The following HDAC9 variants were observed in gnomAD, a reference collection of about 807,000 sequenced individuals.
HDAC9 encodes MEF-2 interacting transcription repressor (MITR) protein.
HDAC9 carries 41 observed loss-of-function variants against 139.4 expected under a neutral mutation model. The observed-to-expected ratio is 0.29, with a 90% confidence interval of 0.23 to 0.38. The LOEUF (loss-of-function observed/expected upper bound fraction) is 0.38, where lower values mean the gene tolerates loss of function less well. Among genes scored for constraint, HDAC9 ranks in the 10% least tolerant of loss-of-function variants. The pLI is 1.00. For synonymous variants in HDAC9, 517 were observed against 476.2 expected, an observed-to-expected ratio of 1.09 and a Z score of -1.12; for missense variants, 1,147 against 1,297.0, an observed-to-expected ratio of 0.88 and a Z score of 1.78.
At chr7:18,111,480 G>A (rs540868052) in intron 1 of HDAC9, among the ~76,000 whole-genome samples, 3 of 152,146 alleles carry the variant, frequency 2.0e-5, no homozygotes, top group Admixed American at 1.3e-4. Flanking sequence ...GTGGTGGATT[G>A]GTTCCAGCGA....
At chr7:18,469,060 C>T (rs375331497) in intron 1 of HDAC9, among the ~76,000 whole-genome samples, 3 of 152,118 alleles carry the variant, frequency 2.0e-5, no homozygotes, top group Admixed American at 2.0e-4. Flanking sequence ...TGATTCAGAC[C>T]CACATCTAAT....
rs149654548 is a variant in HDAC9 at position 18,606,384 on chromosome 7, T to G, written c.664+12355T>G. 4.8e-3 allele frequency among the ~76,000 whole-genome samples: 736 copies of G among 152,310 alleles called. 3 individuals carry two copies. Among genetic ancestry groups the G allele is most frequent in the African/African-American group, 0.017 (702 of 41,570 alleles). The stretch of plus-strand genomic sequence containing the variant: ...TTTTTCATTTTTTGAGGTGACAAAT[T>G]CATATTTGAGCAATATTATTCTTAC... On this transcript the variant is annotated intron_variant, in intron 6 of 25. Transcript: ENST00000686413.
At chr7:18,619,933 C>CT (rs1342400372) in intron 6 of HDAC9, among the ~76,000 whole-genome samples, 24 of 152,238 alleles carry the variant, frequency 1.6e-4, no homozygotes, top group Admixed American at 1.6e-3. Flanking sequence ...AAATGAATGT[C>CT]TGCCTTTCAG....
At chr7:18,773,825 T>G (rs1337889539) in intron 16 of HDAC9, among the ~76,000 whole-genome samples, 1 of 152,108 alleles carries the variant, frequency 6.6e-6, no homozygotes, top group Admixed American at 6.6e-5. Flanking sequence ...ATCTGTCATA[T>G]TTCCACTCCG....
At chr7:18,283,659 A>C (rs1007439489) in intron 2 of HDAC9, among the ~76,000 whole-genome samples, 1 of 152,178 alleles carries the variant, frequency 6.6e-6, no homozygotes, top group Admixed American at 6.5e-5. Flanking sequence ...TTTGTTAAGC[A>C]TGTTGCATTA....
At chr7:18,815,911 C>G (rs1259686892) in intron 17 of HDAC9, among the ~76,000 whole-genome samples, 1 of 152,210 alleles carries the variant, frequency 6.6e-6, no homozygotes. Flanking sequence ...TGTGAAAATT[C>G]CCTCCCTCAA....
At chr7:18,110,660 T>G (rs374966400) in intron 1 of HDAC9, among the ~76,000 whole-genome samples, 2 of 152,124 alleles carry the variant, frequency 1.3e-5, no homozygotes, top group Non-Finnish European at 2.9e-5. Flanking sequence ...AGAGCACACC[T>G]GATAGATTAT....
intron 2 of HDAC9, among the ~76,000 whole-genome samples, chr7:18,533,758 C>T (rs1326621237): frequency 6.6e-6 from 1 of 151,944 alleles, no homozygotes; most frequent in Non-Finnish European, 1.5e-5. Flanking sequence ...ACTTCTTCTC[C>T]TTTGTGTTCT....
intron 2 of HDAC9, among the ~76,000 whole-genome samples, chr7:18,174,254 T>C (rs1166436695): frequency 6.6e-6 from 1 of 152,240 alleles, no homozygotes; most frequent in Non-Finnish European, 1.5e-5. Context: ...TATTGAAGCT[T>C]GTGCATGCGT....
chr7:18,131,595 GGGCATTTTTTGAA>G (rs1441574636), intron 1 of HDAC9, among the ~76,000 whole-genome samples: 1 of 152,148 alleles, frequency 6.6e-6, no homozygotes, highest in Non-Finnish European at 1.5e-5. Flanking sequence ...AAATTGTAGA[GGGCATTTTTTGAA>G]GGCAGAAAAG....
intron 1 of HDAC9, among the ~76,000 whole-genome samples, chr7:18,409,890 GAGCATAGCTTGTTTT>G: frequency 6.6e-6 from 1 of 152,274 alleles, no homozygotes; most frequent in African/African-American, 2.4e-5. Context: ...TTGTATCCAG[GAGCATAGCTTGTTTT>G]AGCATAGAGA....
chr7:18,865,380 A>G (rs1441318854), intron 21 of HDAC9, among the ~76,000 whole-genome samples: 2 of 152,170 alleles, frequency 1.3e-5, no homozygotes, highest in African/African-American at 4.8e-5. Context: ...GCAATAAAAA[A>G]GGGAGTGGTA....
chr7:18,889,970 G>C (rs978143886), intron 22 of HDAC9, among the ~76,000 whole-genome samples: 1 of 152,128 alleles, frequency 6.6e-6, no homozygotes, highest in Non-Finnish European at 1.5e-5. Flanking sequence ...AAAGTGTTGG[G>C]ATTACAGGCG....
intron 2 of HDAC9, among the ~76,000 whole-genome samples, chr7:18,260,124 A>T (rs577421981): frequency 2.7e-4 from 41 of 152,264 alleles, no homozygotes; most frequent in East Asian, 3.9e-4. Context: ...CACTACAATT[A>T]TTTTAAGTCA....
intron 2 of HDAC9, among the ~76,000 whole-genome samples, chr7:18,541,414 CCACATGGTACTAGTCCTTT>C (rs1297532092): frequency 6.6e-6 from 1 of 152,066 alleles, no homozygotes; most frequent in Non-Finnish European, 1.5e-5. Flanking sequence ...CCATATCTGT[CCACATGGTACTAGTCCTTT>C]CACAAGGGGC....
intron 17 of HDAC9, among the ~76,000 whole-genome samples, chr7:18,826,460 A>C (rs985844085): frequency 1.3e-5 from 2 of 152,156 alleles, no homozygotes; most frequent in East Asian, 3.9e-4. Context: ...GTTTGGGTGG[A>C]TCATGATGAC....
At chr7:18,389,159 A>G (rs1786228591) in intron 1 of HDAC9, among the ~76,000 whole-genome samples, 1 of 152,076 alleles carries the variant, frequency 6.6e-6, no homozygotes, top group Non-Finnish European at 1.5e-5. Context: ...TTTTTTTGCT[A>G]CCTGATTTTG....
chr7:18,199,654 A>T (rs1790971127), intron 2 of HDAC9, among the ~76,000 whole-genome samples: 2 of 148,522 alleles, frequency 1.3e-5, no homozygotes, highest in Admixed American at 1.4e-4. Flanking sequence ...GCGTGGTGGC[A>T]TGCTGAAGTC....
At chr7:18,515,916 G>A (rs1803036419) in intron 2 of HDAC9, among the ~76,000 whole-genome samples, 1 of 152,184 alleles carries the variant, frequency 6.6e-6, no homozygotes, top group South Asian at 2.1e-4. Flanking sequence ...CTAGGCATAA[G>A]ATATATAAAG....
Sources: allele counts gnomAD v4.1 joint callset (sites outside exome capture counted in the v4.1 genomes callset), GRCh38; gene constraint gnomAD v4.1.1; transcripts MANE v1.5; gene names NCBI Gene and HGNC (gene_info 2026-07-23, HGNC 2026-07-21).